Variants in AGBL1 observed in about 807,000 individuals in gnomAD.
The protein encoded by AGBL1 is AGBL carboxypeptidase 1, also known as cytosolic carboxypeptidase 4.
A neutral mutation model predicts 118.9 loss-of-function variants in AGBL1; 130 were observed. The ratio of observed to expected loss-of-function variants is 1.09; its 90% CI spans 0.95 to 1.26. AGBL1 has a LOEUF of 1.26. AGBL1 is among the 50% of genes most tolerant of loss of function. The pLI is 0.00. For synonymous variants in AGBL1, 555 were observed against 478.9 expected (o/e 1.16, Z -2.08); for missense variants, 1,584 against 1,298.1 (o/e 1.22, Z -3.38).
intron 22 of AGBL1, among the ~76,000 whole-genome samples, chr15:86,902,507 T>G (rs79309866): frequency 0.028 from 4,247 of 152,298 alleles, 104 homozygotes; most frequent in Middle Eastern, 0.048. Flanking sequence ...CTTTTGTTGC[T>G]TTTTTCTGCC....
chr15:86,985,640 A>C (rs2081273647), intron 23 of AGBL1, among the ~76,000 whole-genome samples: 1 of 150,712 alleles, frequency 6.6e-6, no homozygotes, highest in Middle Eastern at 3.2e-3. Flanking sequence ...TTTTTATCAG[A>C]TTTGTGTTGT....
chr15:86,692,667 G>A (rs1407575588), intron 22 of AGBL1, among the ~76,000 whole-genome samples: 1 of 152,062 alleles, frequency 6.6e-6, no homozygotes, highest in East Asian at 1.9e-4. Context: ...ATATGAGTAA[G>A]TTCTTCAGTG....
At chr15:86,658,065 A>T (rs551184469) in intron 21 of AGBL1, among the ~76,000 whole-genome samples, 1 of 152,088 alleles carries the variant, frequency 6.6e-6, no homozygotes, top group African/African-American at 2.4e-5. Flanking sequence ...ATGCATATAT[A>T]TATGTATGTA....
At position 86,396,243 on chromosome 15, in the gene AGBL1, G is replaced by GTGTATATATA. The variant is rs928214589; in HGVS notation, c.2375-1122_2375-1121insGTATATATAT. On this transcript the variant is annotated intron_variant, in intron 17 of 22. Transcript: ENST00000614907. ...TATATATATGTGTGTGTGTGTGTGT[G>GTGTATATATA]TATATATATATATATATATACACAC... Among the ~76,000 whole-genome samples, 160 of 126,622 alleles carry GTGTATATATA rather than the reference G, an allele frequency of 1.3e-3. 1 individual carries two copies. The highest frequency in any genetic ancestry group is 4.7e-3 in the African/African-American group (151 of 32,410). The allele number at this position is 126,622 out of a possible 152,430, so 83.1% of individuals were successfully genotyped here.
At chr15:86,905,166 A>G (rs1257894419) in intron 22 of AGBL1, among the ~76,000 whole-genome samples, 1 of 150,536 alleles carries the variant, frequency 6.6e-6, no homozygotes, top group East Asian at 1.9e-4. Context: ...AAAATATTAC[A>G]TCTGGTATGT....
chr15:86,309,080 T>A (rs2079883027), intron 17 of AGBL1, among the ~76,000 whole-genome samples: 1 of 152,208 alleles, frequency 6.6e-6, no homozygotes, highest in African/African-American at 2.4e-5. Flanking sequence ...TTTATATGTG[T>A]CTTCTTCAAT....
At chr15:86,627,651 T>C (rs931595228) in intron 21 of AGBL1, among the ~76,000 whole-genome samples, 10 of 152,002 alleles carry the variant, frequency 6.6e-5, no homozygotes, top group Non-Finnish European at 1.3e-4. Flanking sequence ...AAATGGAACA[T>C]TGGGAAGAAT....
At chr15:86,725,337 G>A (rs371046415) in intron 22 of AGBL1, among the ~76,000 whole-genome samples, 1 of 152,182 alleles carries the variant, frequency 6.6e-6, no homozygotes, top group South Asian at 2.1e-4. Flanking sequence ...AAATGATCAA[G>A]TAATGCTTCC....
intron 19 of AGBL1, among the ~76,000 whole-genome samples, chr15:86,524,956 A>C (rs2083243417): frequency 6.6e-6 from 1 of 152,178 alleles, no homozygotes; most frequent in South Asian, 2.1e-4. Context: ...AGAGGAAATC[A>C]AATTATTTCT....
downstream of AGBL1, among the ~76,000 whole-genome samples, chr15:87,030,959 G>A (rs527754915): frequency 9.9e-5 from 15 of 152,016 alleles, no homozygotes; most frequent in East Asian, 1.7e-3. Context: ...TGATATTTCC[G>A]ATACAACCAA....
At chr15:87,027,376 C>T (rs1046202249) in intron 24 of AGBL1, among the ~76,000 whole-genome samples, 2 of 151,920 alleles carry the variant, frequency 1.3e-5, no homozygotes, top group Non-Finnish European at 2.9e-5. Context: ...CGTGGTGATT[C>T]CTCAAAGACA....
At chr15:86,263,961 G>A (rs989063749) in intron 10 of AGBL1, among the ~76,000 whole-genome samples, 1 of 152,152 alleles carries the variant, frequency 6.6e-6, no homozygotes, top group African/African-American at 2.4e-5. Flanking sequence ...GGTGCAGTGA[G>A]GCCCCCATAA....
chr15:87,004,921 C>A (rs2081482488), intron 24 of AGBL1, among the ~76,000 whole-genome samples: 1 of 152,056 alleles, frequency 6.6e-6, no homozygotes. Flanking sequence ...CTTGTCTGTA[C>A]AGTATTTTAT....
chr15:86,577,426 G>A (rs1204907181), intron 21 of AGBL1, among the ~76,000 whole-genome samples: 1 of 152,128 alleles, frequency 6.6e-6, no homozygotes, highest in African/African-American at 2.4e-5. Context: ...GGGAAACAGA[G>A]CATAAAAATT....
intron 22 of AGBL1, among the ~76,000 whole-genome samples, chr15:86,735,279 C>T (rs1358629459): frequency 6.6e-6 from 1 of 151,982 alleles, no homozygotes; most frequent in East Asian, 1.9e-4. Context: ...TGGGGTTTCA[C>T]CATGTCGGTC....
chr15:86,649,576 A>G (rs184586432), intron 21 of AGBL1, among the ~76,000 whole-genome samples: 279 of 152,298 alleles, frequency 1.8e-3, no homozygotes, highest in Middle Eastern at 3.4e-3. Context: ...CTGAGAATAT[A>G]TGCAAATATG....
At chr15:86,188,112 TATC>T (rs2077661957) in intron 5 of AGBL1, among the ~76,000 whole-genome samples, 1 of 152,216 alleles carries the variant, frequency 6.6e-6, no homozygotes, top group South Asian at 2.1e-4. Context: ...TGTACACAGT[TATC>T]ATATTGTTTC....
intron 18 of AGBL1, among the ~76,000 whole-genome samples, chr15:86,518,626 G>A (rs1275653311): frequency 6.6e-6 from 1 of 152,052 alleles, no homozygotes; most frequent in Non-Finnish European, 1.5e-5. Flanking sequence ...GGCTGCAAAT[G>A]CCTGAAAAGA....
chr15:86,460,370 C>A (rs1439696228), intron 18 of AGBL1, among the ~76,000 whole-genome samples: 1 of 144,478 alleles, frequency 6.9e-6, no homozygotes, highest in African/African-American at 2.6e-5. Flanking sequence ...GTGATAGGTA[C>A]CTATAGTCCT....
Sources: allele counts gnomAD v4.1 joint callset (sites outside exome capture counted in the v4.1 genomes callset), GRCh38; gene constraint gnomAD v4.1.1; transcripts MANE v1.5; gene names NCBI Gene and HGNC (gene_info 2026-07-23, HGNC 2026-07-21).